The following ARHGEF37 variants were observed in gnomAD, a reference collection of about 807,000 sequenced individuals.
ARHGEF37 encodes the protein Rho guanine nucleotide exchange factor 37, also known as Rho guanine nucleotide exchange factor (GEF) 37.
Under a neutral mutation model 71.1 loss-of-function variants are expected in ARHGEF37, and 55 were observed. The observed-to-expected ratio is 0.77, with a 90% CI of 0.62 to 0.97. The LOEUF (loss-of-function observed/expected upper bound fraction) is 0.97. Ranked by LOEUF, ARHGEF37 falls within the 50% of genes least tolerant of loss-of-function variation. The pLI is 0.00. For missense variants in ARHGEF37, 765 were observed against 836.8 expected (o/e 0.91, Z 1.06); for synonymous variants, 327 against 350.6 (o/e 0.93, Z 0.75).
intron 12 of ARHGEF37, among the ~76,000 whole-genome samples, chr5:149,631,172 CTTT>C (rs1293391789): frequency 8.5e-6 from 1 of 118,084 alleles, no homozygotes; most frequent in African/African-American, 3.5e-5. Flanking sequence ...TCCTTCCTTT[CTTT>C]TTTTCTTTTT....
intron 12 of ARHGEF37, among the ~76,000 whole-genome samples, chr5:149,631,105 G>A (rs1445593290): frequency 1.3e-5 from 2 of 151,512 alleles, no homozygotes; most frequent in African/African-American, 4.9e-5. Context: ...GTTTTCTCTA[G>A]TTCAATTTAT....
rs146780850 is a variant in ARHGEF37 at position 149,631,681 on chromosome 5, T to TCCTTGACTTC, written c.1819-300_1819-291dup. Among the ~76,000 whole-genome samples, 2,156 of 152,272 alleles carry TCCTTGACTTC rather than the reference T, an allele frequency of 0.014. 188 individuals carry two copies. The East Asian group carries it at 0.26, about 18-fold the overall frequency. ...CACTGCTGTGCAATTTTGAGTAAGT[T>TCCTTGACTTC]CCTTGACTTCTCTGATCCTCATTTT... On this transcript the variant is annotated intron_variant, in intron 12 of 12. Transcript: ENST00000333677.
chr5:149,597,071 G>A (rs1225884922), intron 1 of ARHGEF37, among the ~76,000 whole-genome samples: 2 of 152,072 alleles, frequency 1.3e-5, no homozygotes, highest in Non-Finnish European at 2.9e-5. Flanking sequence ...CAGGCGATGG[G>A]TAGTAAGGCC....
intron 3 of ARHGEF37, among the ~76,000 whole-genome samples, chr5:149,606,268 T>C (rs888539757): frequency 6.6e-6 from 1 of 152,216 alleles, no homozygotes; most frequent in African/African-American, 2.4e-5. Context: ...CACAGCTTCT[T>C]CCTGGCTGCA....
chr5:149,599,735 C>A (rs1763697475), intron 2 of ARHGEF37, among the ~76,000 whole-genome samples: 1 of 152,166 alleles, frequency 6.6e-6, no homozygotes, highest in Non-Finnish European at 1.5e-5. Context: ...ACGTTTCAAG[C>A]ATCCCCTAGC....
intron 12 of ARHGEF37, among the ~76,000 whole-genome samples, chr5:149,631,148 TTTCCTTCCTTCC>T (rs796720991): frequency 3.7e-5 from 4 of 109,474 alleles, no homozygotes; most frequent in Admixed American, 2.8e-4. Flanking sequence ...TCCTTCCTTC[TTTCCTTCCTTCC>T]TTCCTTCCTT....
intron 4 of ARHGEF37, among the ~76,000 whole-genome samples, chr5:149,611,511 C>T (rs1001281537): frequency 1.3e-5 from 2 of 152,256 alleles, no homozygotes; most frequent in South Asian, 4.1e-4. Flanking sequence ...ATCCTCTGCA[C>T]TTTGGTCTTT....
chr5:149,587,894 C>CCT (rs1561790080), intron 1 of ARHGEF37, among the ~76,000 whole-genome samples: 7 of 129,162 alleles, frequency 5.4e-5, no homozygotes, highest in Non-Finnish European at 6.5e-5. Context: ...TCCCTTTAGT[C>CCT]TTTTTTTTTT....
intron 7 of ARHGEF37, 122 bp downstream of exon 7, chr5:149,619,164 C>T: frequency 1.3e-6 from 1 of 743,098 alleles, no homozygotes; most frequent in East Asian, 2.5e-5. Flanking sequence ...CAGATGAGGT[C>T]ATCCTGTCTC....
At chr5:149,600,644 A>AT (rs11411776) in intron 2 of ARHGEF37, among the ~76,000 whole-genome samples, 65,541 of 145,156 alleles carry the variant, frequency 0.45, 15,069 homozygotes, top group South Asian at 0.65. Flanking sequence ...AAAATACCTA[A>AT]TTTTTTTTTT....
At chr5:149,629,512 G>A (rs1333752339) in intron 12 of ARHGEF37, among the ~76,000 whole-genome samples, 1 of 152,192 alleles carries the variant, frequency 6.6e-6, no homozygotes, top group Non-Finnish European at 1.5e-5. Context: ...GATAAAGAGG[G>A]TGTACTGGGG....
chr5:149,618,982 G>A lies in ARHGEF37; in HGVS notation c.834G>A (p.Trp278Ter), dbSNP rs1752457114. ...EFDDLEERFQ[W>*]VSLCVTELKN... Reference sequence around the variant, plus strand: ...ATGATTTAGAAGAGAGGTTCCAGTGGGTGTCTCTGTGTGTGACTGAGCTGA... The same window carrying A: ...ATGATTTAGAAGAGAGGTTCCAGTGAGTGTCTCTGTGTGTGACTGAGCTGA... The change falls in exon 7 of 13, where the codon TGG becomes TGA. Residue 278 changes from tryptophan to a stop codon, truncating the protein, a stop_gained. Coordinates refer to ENST00000333677, the MANE Select transcript of ARHGEF37 (RefSeq NM_001001669.3). LOFTEE classifies it high-confidence loss of function. 6.2e-7 allele frequency: 1 copy of A among 1,614,024 alleles called. No homozygotes were observed. Among genetic ancestry groups the A allele is most frequent in the African/African-American group, 1.3e-5 (1 of 74,888 alleles).
chr5:149,606,775 G>A (rs1157894711), intron 3 of ARHGEF37: 1 of 152,182 alleles, frequency 6.6e-6, no homozygotes, highest in Non-Finnish European at 1.5e-5. Flanking sequence ...ATCAGATCAT[G>A]TCACCGTTGC....
chr5:149,628,920 C>T lies in ARHGEF37; in HGVS notation c.1772C>T (p.Pro591Leu), dbSNP rs764177626. The stretch of plus-strand genomic sequence containing the variant: ...AACAAAGACCCCCGATGTCTAACAC[C>T]GGAGCCCAGCCCAGCTCTAGTGCCC... Reference protein sequence around the residue: ...GLNKDPRCLTPEPSPALVPSI... With the variant: ...GLNKDPRCLTLEPSPALVPSI... The change falls in exon 12 of 13, where the codon CCG (proline) becomes CTG (leucine). Residue 591 changes from proline to leucine, a missense_variant. Pro to Leu is a moderately conservative substitution (Grantham distance 98). This residue lies in a region of ARHGEF37 where 390 missense variants were observed against 407.4 expected (regional missense o/e 0.96). Coordinates refer to ENST00000333677, the MANE Select transcript of ARHGEF37 (RefSeq NM_001001669.3). The T allele has an allele frequency of 1.9e-5, 31 of 1,613,080 alleles. No homozygotes were observed. The highest frequency in any genetic ancestry group is 8.9e-5 in the East Asian group (4 of 44,896).
At chr5:149,626,405 A>G (rs188786324) in intron 10 of ARHGEF37, among the ~76,000 whole-genome samples, 16 of 152,346 alleles carry the variant, frequency 1.1e-4, no homozygotes, top group Admixed American at 5.9e-4. Context: ...TGGAAGCAGT[A>G]TCATGCAATG....
intron 1 of ARHGEF37, among the ~76,000 whole-genome samples, chr5:149,569,187 G>T (rs1354124923): frequency 6.6e-6 from 1 of 151,978 alleles, no homozygotes; most frequent in East Asian, 1.9e-4. Context: ...TATAAATAAA[G>T]AAAATATATA....
In ARHGEF37 at chr5:149,629,082, T is replaced by G. The variant is rs1752798416; in HGVS notation, c.1818+116T>G. ...CCTGTCTGGTGGGGCTGCCACTCTGTGAGACCAAGGCCTTGATCAATGGCC... is the reference window on the plus strand; with the variant it reads ...CCTGTCTGGTGGGGCTGCCACTCTGGGAGACCAAGGCCTTGATCAATGGCC... On this transcript the variant is annotated intron_variant, in intron 12 of 12. Transcript: ENST00000333677. The G allele has an allele frequency of 3.8e-6, 5 of 1,324,858 alleles. No homozygotes were observed. The South Asian group carries it at 6.1e-5, about 16-fold the overall frequency. 82.1% of individuals were successfully genotyped at this position (1,324,858 alleles called of 1,614,324 possible). A position where few individuals can be genotyped will look rare whatever the true frequency, so the allele number is the denominator to read the frequency against.
Position 149,593,501 on chromosome 5 carries a change from C to T in ARHGEF37, c.-11-4258C>T, listed in dbSNP as rs554789724. Reference sequence around the variant, plus strand: ...ATTCATGTTGTAGAACATATGAATACAGTTGATCCTTGAACAACATAGGGG... The same window carrying T: ...ATTCATGTTGTAGAACATATGAATATAGTTGATCCTTGAACAACATAGGGG... On this transcript the variant is annotated intron_variant, in intron 1 of 12. Transcript: ENST00000333677. Among the ~76,000 whole-genome samples, 191 of 152,298 alleles carry T rather than the reference C, an allele frequency of 1.3e-3. 1 individual carries two copies. The highest frequency in any genetic ancestry group is 4.2e-3 in the African/African-American group (175 of 41,560).
chr5:149,620,101 AC>A (rs2113370574), intron 7 of ARHGEF37, among the ~76,000 whole-genome samples: 2 of 152,020 alleles, frequency 1.3e-5, no homozygotes, highest in South Asian at 4.2e-4. Flanking sequence ...AAAGAAAAAA[AC>A]CCCACAAAGG....
Sources: gnomAD v4.1 joint callset for allele counts (sites outside exome capture counted in the v4.1 genomes callset) on GRCh38, gnomAD v4.1.1 for gene constraint, gnomAD v4.1.1 regional missense constraint, MANE v1.5 for transcripts, NCBI Gene and HGNC (gene_info 2026-07-23, HGNC 2026-07-21) for gene names.